Variants in WDR41 observed in about 807,000 individuals in gnomAD.
WDR41 encodes the protein WD repeat domain 41.
A neutral mutation model predicts 69.3 loss-of-function variants in WDR41; 63 were observed. The observed-to-expected ratio is 0.91, with a 90% CI of 0.74 to 1.12. WDR41 has a LOEUF of 1.12. Among genes scored for constraint, WDR41 ranks in the 50% most tolerant of loss-of-function variants. The pLI, the probability that WDR41 is intolerant of heterozygous loss-of-function variation, is 0.00. For synonymous variants in WDR41, 185 were observed against 192.1 expected (o/e 0.96, Z 0.31); for missense variants, 543 against 534.5 (o/e 1.02, Z -0.16).
chr5:77,578,864 C>CAAAAAAAAAAAAA (rs55920763), intron 1 of WDR41, among the ~76,000 whole-genome samples: 13 of 77,146 alleles, frequency 1.7e-4, no homozygotes, highest in African/African-American at 2.3e-4. Flanking sequence ...AACTCCATCT[C>CAAAAAAAAAAAAA]AAAAAAAAAA....
At chr5:77,448,685 T>C (rs33197) in intron 8 of WDR41, among the ~76,000 whole-genome samples, 13,182 of 151,936 alleles carry the variant, frequency 0.087, 806 homozygotes, top group South Asian at 0.21. Context: ...CTGGCCAATA[T>C]GGAGAAACCC....
chr5:77,560,168 A>G (rs996484356), intron 1 of WDR41, among the ~76,000 whole-genome samples: 1 of 152,236 alleles, frequency 6.6e-6, no homozygotes, highest in African/African-American at 2.4e-5. Flanking sequence ...AAAATTAGAA[A>G]GATGTAGAAT....
At chr5:77,546,436 A>C (rs1743200427) in intron 1 of WDR41, among the ~76,000 whole-genome samples, 1 of 152,160 alleles carries the variant, frequency 6.6e-6, no homozygotes, top group South Asian at 2.1e-4. Flanking sequence ...GAAATGGGAG[A>C]TATTACAACT....
intron 1 of WDR41, among the ~76,000 whole-genome samples, chr5:77,569,891 GTTC>G (rs1319604036): frequency 1.3e-5 from 2 of 152,160 alleles, no homozygotes; most frequent in Non-Finnish European, 2.9e-5. Flanking sequence ...GGCACAGCAT[GTTC>G]TTCTTAAATA....
At chr5:77,492,136 C>A in intron 1 of WDR41, 34 bp downstream of exon 1, 1 of 1,601,608 alleles carries the variant, frequency 6.2e-7, no homozygotes, top group Non-Finnish European at 8.5e-7. Flanking sequence ...CCAGCAAGCT[C>A]GACGGACGCA....
intron 1 of WDR41, among the ~76,000 whole-genome samples, chr5:77,551,691 A>C (rs1272245005): frequency 6.6e-6 from 1 of 151,276 alleles, no homozygotes; most frequent in Non-Finnish European, 1.5e-5. Context: ...AAATAAAAAA[A>C]TAAAGCCTGG....
chr5:77,490,213 C>T (rs1200997362), intron 1 of WDR41, among the ~76,000 whole-genome samples: 2 of 152,148 alleles, frequency 1.3e-5, no homozygotes, highest in Non-Finnish European at 1.5e-5. Flanking sequence ...ATTCGCCCGC[C>T]TCGGCCTCCC....
At chr5:77,593,547 A>C (rs147533201) in intron 1 of WDR41, among the ~76,000 whole-genome samples, 3 of 152,342 alleles carry the variant, frequency 2.0e-5, no homozygotes, top group African/African-American at 7.2e-5. Context: ...ATAAGAACAC[A>C]AGAAAATGTT....
At chr5:77,503,900 A>C (rs1802060438) in intron 1 of WDR41, among the ~76,000 whole-genome samples, 1 of 152,218 alleles carries the variant, frequency 6.6e-6, no homozygotes, top group Admixed American at 6.5e-5. Context: ...AATTTATAGC[A>C]CTAAATGCCC....
intron 1 of WDR41, chr5:77,583,024 C>T (rs1039790233): frequency 1.9e-6 from 3 of 1,598,504 alleles, no homozygotes; most frequent in African/African-American, 1.3e-5. Context: ...GTCTTCTCCA[C>T]GAGGTGGAAT....
At chr5:77,504,616 A>G (rs1391027235) in intron 1 of WDR41, among the ~76,000 whole-genome samples, 1 of 152,210 alleles carries the variant, frequency 6.6e-6, no homozygotes, top group African/African-American at 2.4e-5. Flanking sequence ...ATCGATGCAA[A>G]AATCCTCAAT....
At chr5:77,456,735 T>C (rs1445217335) in intron 5 of WDR41, among the ~76,000 whole-genome samples, 1 of 152,170 alleles carries the variant, frequency 6.6e-6, no homozygotes, top group Non-Finnish European at 1.5e-5. Flanking sequence ...AGGGTCTTGC[T>C]CTATCGCCCA....
rs533303311 is a variant in WDR41 at position 77,454,280 on chromosome 5, G to A, written c.412-352C>T. Among the ~76,000 whole-genome samples, 147 of 152,326 alleles carry A rather than the reference G, an allele frequency of 9.7e-4. 1 individual carries two copies. The highest frequency in any genetic ancestry group is 2.5e-3 in the Admixed American group (39 of 15,308). ...GCAACAAACAGCACTAACTTGCCAA[G>A]CACGTAGGTGAGCCTCCTGGGAGGC... On this transcript the variant is annotated intron_variant, in intron 5 of 12. Coordinates refer to ENST00000296679, the MANE Select transcript of WDR41 (RefSeq NM_018268.4).
intron 1 of WDR41, among the ~76,000 whole-genome samples, chr5:77,534,934 A>T (rs184885439): frequency 6.6e-6 from 1 of 152,342 alleles, no homozygotes; most frequent in Admixed American, 6.5e-5. Context: ...ATGTGTACAA[A>T]TTAAGACTCA....
chr5:77,448,592 G>A (rs780815768), intron 8 of WDR41, among the ~76,000 whole-genome samples: 5 of 152,030 alleles, frequency 3.3e-5, no homozygotes, highest in Non-Finnish European at 5.9e-5. Context: ...AAAGCCGGCC[G>A]GGCTTGGTGG....
At chr5:77,582,011 A>T (rs1481996371) in intron 1 of WDR41, among the ~76,000 whole-genome samples, 1 of 145,242 alleles carries the variant, frequency 6.9e-6, no homozygotes, top group Non-Finnish European at 1.5e-5. Context: ...GATAAATGAA[A>T]CAATTTTTTT....
chr5:77,537,182 T>C (rs572408992), intron 1 of WDR41, among the ~76,000 whole-genome samples: 1 of 152,352 alleles, frequency 6.6e-6, no homozygotes, highest in African/African-American at 2.4e-5. Flanking sequence ...CTTTCTGCTT[T>C]AGAATTTAGG....
chr5:77,574,458 A>G (rs1445901516), intron 1 of WDR41, among the ~76,000 whole-genome samples: 1 of 152,190 alleles, frequency 6.6e-6, no homozygotes, highest in Non-Finnish European at 1.5e-5. Flanking sequence ...GTCAGACATT[A>G]TAAGTGTTCT....
At chr5:77,573,061 G>A (rs1262128830) in intron 1 of WDR41, among the ~76,000 whole-genome samples, 3 of 152,108 alleles carry the variant, frequency 2.0e-5, no homozygotes, top group Non-Finnish European at 2.9e-5. Flanking sequence ...ATGCCACAGA[G>A]CCACAATTCA....
Sources: allele counts gnomAD v4.1 joint callset (sites outside exome capture counted in the v4.1 genomes callset), GRCh38; gene constraint gnomAD v4.1.1; transcripts MANE v1.5; gene names NCBI Gene and HGNC (gene_info 2026-07-23, HGNC 2026-07-21).